Variants in MARCHF1 observed in about 807,000 individuals in gnomAD.
The protein encoded by MARCHF1 is E3 ubiquitin-protein ligase MARCHF1.
In MARCHF1, 40 loss-of-function variants were observed where a neutral mutation model predicts 54.2. That is an observed-to-expected ratio of 0.74 (90% CI 0.57 to 0.96). The LOEUF is 0.96. Ranked by LOEUF, MARCHF1 falls within the 40% of genes least tolerant of loss-of-function variation. MARCHF1 has a pLI of 0.00. For synonymous variants in MARCHF1, 236 were observed against 236.3 expected (o/e 1.00, Z 0.01); for missense variants, 586 against 656.5 (o/e 0.89, Z 1.17).
chr4:164,260,519 TC>T (rs1215093780), intron 1 of MARCHF1, among the ~76,000 whole-genome samples: 1 of 152,042 alleles, frequency 6.6e-6, no homozygotes, highest in Non-Finnish European at 1.5e-5. Flanking sequence ...TGCTTACTTA[TC>T]AGCTGTCCTC....
chr4:164,185,365 C>T (rs989555701), intron 1 of MARCHF1, among the ~76,000 whole-genome samples: 1 of 152,112 alleles, frequency 6.6e-6, no homozygotes, highest in African/African-American at 2.4e-5. Flanking sequence ...AAAAATATTG[C>T]CATCACTATA....
intron 2 of MARCHF1, among the ~76,000 whole-genome samples, chr4:164,061,806 C>T (rs546374656): frequency 6.7e-6 from 1 of 148,452 alleles, no homozygotes; most frequent in East Asian, 1.9e-4. Flanking sequence ...TTATCTAAGC[C>T]TTCAGTGAGT....
At chr4:164,143,668 A>G (rs1267572664) in intron 1 of MARCHF1, among the ~76,000 whole-genome samples, 2 of 152,304 alleles carry the variant, frequency 1.3e-5, no homozygotes, top group South Asian at 2.1e-4. Flanking sequence ...AGCTCCTGAA[A>G]GAAGCGCTAA....
At chr4:163,958,600 G>C (rs1752278148) in intron 3 of MARCHF1, among the ~76,000 whole-genome samples, 2 of 151,872 alleles carry the variant, frequency 1.3e-5, no homozygotes, top group South Asian at 2.1e-4. Context: ...TTAAAATTTA[G>C]CCTTTGTTAA....
At chr4:163,560,574 T>C (rs564152179) in intron 8 of MARCHF1, among the ~76,000 whole-genome samples, 145 of 152,348 alleles carry the variant, frequency 9.5e-4, no homozygotes, top group African/African-American at 3.2e-3. Flanking sequence ...CTGTGAATTT[T>C]ATTGGTATGG....
At chr4:164,077,865 A>T (rs1560893407) in intron 2 of MARCHF1, among the ~76,000 whole-genome samples, 1 of 152,224 alleles carries the variant, frequency 6.6e-6, no homozygotes, top group Non-Finnish European at 1.5e-5. Context: ...GGCAATCATT[A>T]AAAAGTCAGG....
chr4:163,762,917 C>A (rs1746868752), intron 4 of MARCHF1, among the ~76,000 whole-genome samples: 1 of 152,012 alleles, frequency 6.6e-6, no homozygotes, highest in Admixed American at 6.6e-5. Context: ...CTGCACATAA[C>A]AAGGCTCTAA....
chr4:164,037,862 A>G (rs1483668855), intron 2 of MARCHF1, among the ~76,000 whole-genome samples: 1 of 152,226 alleles, frequency 6.6e-6, no homozygotes, highest in Non-Finnish European at 1.5e-5. Context: ...ACACTGTGTG[A>G]ACAAAAGCCA....
At chr4:163,536,035 G>A (rs1738520024) in intron 9 of MARCHF1, among the ~76,000 whole-genome samples, 1 of 152,128 alleles carries the variant, frequency 6.6e-6, no homozygotes, top group Non-Finnish European at 1.5e-5. Context: ...CCATAGTGCT[G>A]AGGTTGAGAA....
intron 1 of MARCHF1, among the ~76,000 whole-genome samples, chr4:164,286,462 C>A (rs1230210838): frequency 6.6e-6 from 1 of 151,868 alleles, no homozygotes; most frequent in Non-Finnish European, 1.5e-5. Flanking sequence ...ATTACTGAAT[C>A]ATTCATTCTA....
chr4:164,042,106 G>A (rs1754141493), intron 2 of MARCHF1, among the ~76,000 whole-genome samples: 1 of 152,014 alleles, frequency 6.6e-6, no homozygotes, highest in African/African-American at 2.4e-5. Flanking sequence ...TTTTCTAAAA[G>A]ACTGAATATG....
Position 163,718,542 on chromosome 4 carries a change from T to C in MARCHF1, c.112-17679A>G, listed in dbSNP as rs148187465. Among the ~76,000 whole-genome samples the C allele has an allele frequency of 2.2e-3, 328 of 152,308 alleles. 2 individuals carry two copies. Among genetic ancestry groups the C allele is most frequent in the African/African-American group, 7.5e-3 (312 of 41,570 alleles). On this transcript the variant is annotated intron_variant, in intron 4 of 9. Coordinates refer to ENST00000514618, the MANE Select transcript of MARCHF1 (RefSeq NM_001394959.1). ...CTCTATGAGATCAATAAATCCAATCTATTCTGATGTAGAAAGGCAAAACCC... is the reference window on the plus strand; with the variant it reads ...CTCTATGAGATCAATAAATCCAATCCATTCTGATGTAGAAAGGCAAAACCC...
chr4:164,110,114 A>T (rs544882769), intron 2 of MARCHF1, among the ~76,000 whole-genome samples: 39 of 84,640 alleles, frequency 4.6e-4, no homozygotes, highest in African/African-American at 1.5e-3. Flanking sequence ...AACCCATTGG[A>T]ATTGGAGATA....
intron 1 of MARCHF1, chr4:164,129,944 T>G (rs1172002576): frequency 6.6e-6 from 1 of 152,074 alleles, no homozygotes. Flanking sequence ...AACTTAAAAT[T>G]TGAAAACAAG....
intron 7 of MARCHF1, among the ~76,000 whole-genome samples, chr4:163,591,127 A>G (rs543831839): frequency 4.9e-4 from 74 of 151,970 alleles, no homozygotes; most frequent in African/African-American, 1.7e-3. Flanking sequence ...TTAACAGTCT[A>G]TGACCACTAT....
rs529374963 is a variant in MARCHF1, at chr4:164,000,441, AATT to A, written c.-247-11735_-247-11733del. Among the ~76,000 whole-genome samples the A allele has an allele frequency of 3.1e-3, 470 of 151,798 alleles. 8 individuals are homozygous for A. Among genetic ancestry groups the A allele is most frequent in the Non-Finnish European group, 1.1e-3 (73 of 67,716 alleles). ...TCAAATCTGTAGGTTTTGGATGGAA[AATT>A]CAATAAAATATTCAGTAGATTCAAA... On this transcript the variant is annotated intron_variant, in intron 2 of 9. Transcript: ENST00000514618.
At position 164,024,265 on chromosome 4, in the gene MARCHF1, C is replaced by A. The variant is rs1753723831; in HGVS notation, c.-247-35556G>T. Among the ~76,000 whole-genome samples the A allele has an allele frequency of 1.3e-5, 2 of 151,924 alleles. 1 individual carries two copies. The highest frequency in any genetic ancestry group is 4.2e-4 in the South Asian group (2 of 4,812). ...CCTGCTAGATACCATACAAGTTGAC[C>A]ACCCCTCAAGTACAGTTATCAGATT... On this transcript the variant is annotated intron_variant, in intron 2 of 9. Coordinates refer to ENST00000514618, the MANE Select transcript of MARCHF1 (RefSeq NM_001394959.1).
intron 1 of MARCHF1, among the ~76,000 whole-genome samples, chr4:164,324,493 T>C (rs537953407): frequency 1.3e-5 from 2 of 151,698 alleles, no homozygotes; most frequent in African/African-American, 2.4e-5. Context: ...GAACCTATTA[T>C]ACAATTTTAG....
chr4:163,792,113 C>T (rs925733757), intron 4 of MARCHF1, among the ~76,000 whole-genome samples: 1 of 152,114 alleles, frequency 6.6e-6, no homozygotes, highest in African/African-American at 2.4e-5. Flanking sequence ...ATAACTTTTA[C>T]TTTTTTCATT....
Sources: gnomAD v4.1 joint callset for allele counts (sites outside exome capture counted in the v4.1 genomes callset) on GRCh38, gnomAD v4.1.1 for gene constraint, MANE v1.5 for transcripts, NCBI Gene and HGNC (gene_info 2026-07-23, HGNC 2026-07-21) for gene names.